PPP1R21: variants seen among roughly 807,000 people sequenced by gnomAD.
PPP1R21 encodes KLRAQ motif containing 1.
In PPP1R21, 85 loss-of-function variants were observed where a neutral mutation model predicts 112.8. The ratio of observed to expected loss-of-function variants is 0.75; its 90% CI spans 0.63 to 0.90. PPP1R21 has a LOEUF of 0.90. Among genes scored for constraint, PPP1R21 ranks in the 40% least tolerant of loss-of-function variants. The probability of loss-of-function intolerance (pLI) is 0.00; values close to 1 mark genes in which losing one functional copy is unlikely to be tolerated. For missense variants in PPP1R21, 1,199 were observed against 901.5 expected (o/e 1.33, Z -4.23); for synonymous variants, 381 against 322.3 (o/e 1.18, Z -1.95).
At chr2:48,483,577 A>G (rs908842063) in intron 13 of PPP1R21, among the ~76,000 whole-genome samples, 3 of 152,204 alleles carry the variant, frequency 2.0e-5, no homozygotes, top group Non-Finnish European at 2.9e-5. Flanking sequence ...GCATCACGTT[A>G]ACTGACTTGT....
At chr2:48,467,524 G>A (rs1019347302) in intron 9 of PPP1R21, among the ~76,000 whole-genome samples, 2 of 152,214 alleles carry the variant, frequency 1.3e-5, no homozygotes, top group African/African-American at 4.8e-5. Context: ...GGAGCTGGGG[G>A]ATTTGCATCC....
chr2:48,471,834 C>T (rs898775638), intron 11 of PPP1R21, among the ~76,000 whole-genome samples: 4 of 152,076 alleles, frequency 2.6e-5, no homozygotes, highest in Non-Finnish European at 5.9e-5. Flanking sequence ...AAAAATAATA[C>T]GTATTATTAG....
At chr2:48,497,651 ATTT>A (rs1208738625) in intron 16 of PPP1R21, among the ~76,000 whole-genome samples, 8 of 134,156 alleles carry the variant, frequency 6.0e-5, no homozygotes, top group Admixed American at 7.5e-5. Flanking sequence ...CTATAGTTCT[ATTT>A]TTTTTTTTTT....
chr2:48,502,243 C>G (rs1162552649), intron 17 of PPP1R21, among the ~76,000 whole-genome samples: 1 of 152,130 alleles, frequency 6.6e-6, no homozygotes, highest in Non-Finnish European at 1.5e-5. Context: ...TTTAAATCAA[C>G]TAGTTAGTGT....
chr2:48,453,212 C>G (rs1405491207), intron 2 of PPP1R21, among the ~76,000 whole-genome samples: 2 of 152,152 alleles, frequency 1.3e-5, no homozygotes, highest in Non-Finnish European at 2.9e-5. Flanking sequence ...CTTTAGCCTC[C>G]CAAAGTGCTG....
intron 19 of PPP1R21, among the ~76,000 whole-genome samples, chr2:48,507,768 TTTTTTTTTTTTTTTTG>T: frequency 8.4e-6 from 1 of 119,590 alleles, no homozygotes; most frequent in South Asian, 2.8e-4. Flanking sequence ...TTTTTTTTTT[TTTTTTTTTTTTTTTTG>T]AGGTGGAGTC....
At chr2:48,441,073 C>T (rs765749515) in intron 1 of PPP1R21, 63 bp downstream of exon 1, 14 of 1,229,188 alleles carry the variant, frequency 1.1e-5, no homozygotes, top group Non-Finnish European at 1.6e-5. Context: ...GCCGTGGCAG[C>T]GACTTGTCGG....
At chr2:48,508,338 A>G (rs977701548) in intron 19 of PPP1R21, among the ~76,000 whole-genome samples, 2 of 152,188 alleles carry the variant, frequency 1.3e-5, no homozygotes, top group South Asian at 2.1e-4. Context: ...AAGGAAAGAT[A>G]AACCCTTTAT....
chr2:48,491,082 C>G lies in PPP1R21; in HGVS notation c.1511C>G (p.Ala504Gly). The part of the protein sequence containing the change: ...FIASLSYGPK[A>G]ASGFISPLSA... Reference sequence around the variant, plus strand: ...GCTTCACTGAGCTATGGACCTAAGGCAGCGAGTGGATTCATTAGTCCTCTT... The same window carrying G: ...GCTTCACTGAGCTATGGACCTAAGGGAGCGAGTGGATTCATTAGTCCTCTT... Residue 504 changes from alanine (A) to glycine (G), a missense_variant, in exon 15 of 22, where the codon GCA becomes GGA. Ala to Gly is a moderately conservative substitution (Grantham distance 60). Transcript: ENST00000294952. 1 of 1,614,050 alleles carries G rather than the reference C, an allele frequency of 6.2e-7. No individual in the cohort carries two copies. Among genetic ancestry groups the G allele is most frequent in the Non-Finnish European group, 8.5e-7 (1 of 1,179,900 alleles).
chr2:48,503,359 A>G (rs1265973706), intron 17 of PPP1R21, among the ~76,000 whole-genome samples: 1 of 152,202 alleles, frequency 6.6e-6, no homozygotes, highest in African/African-American at 2.4e-5. Context: ...CTCAGTAGAA[A>G]CTTACTGATT....
At chr2:48,458,038 G>T in intron 3 of PPP1R21, 88 bp from the exon 4 acceptor site, 1 of 852,352 alleles carries the variant, frequency 1.2e-6, no homozygotes, top group Non-Finnish European at 2.0e-6. Context: ...GAAGAGACAA[G>T]CTTCTAAGAT....
intron 21 of PPP1R21, among the ~76,000 whole-genome samples, chr2:48,514,073 CTTT>C (rs1225415838): frequency 2.2e-5 from 2 of 89,900 alleles, no homozygotes; most frequent in Non-Finnish European, 4.3e-5. Context: ...GAGACATGTT[CTTT>C]TTTTTTTTTT....
At chr2:48,505,491 T>C in intron 17 of PPP1R21, 73 bp from the exon 18 acceptor site, 1 of 1,132,404 alleles carries the variant, frequency 8.8e-7, no homozygotes, top group Non-Finnish European at 1.3e-6. Flanking sequence ...GGAGAAAATA[T>C]TAAAAGCGTT....
At chr2:48,457,965 A>T in intron 3 of PPP1R21, 161 bp from the exon 4 acceptor site, 1 of 601,298 alleles carries the variant, frequency 1.7e-6, no homozygotes, top group Non-Finnish European at 3.2e-6. Flanking sequence ...TGTGTCACAT[A>T]GGAAAAGTTA....
chr2:48,481,064 C>G (rs1056904406), intron 13 of PPP1R21, among the ~76,000 whole-genome samples: 2 of 152,222 alleles, frequency 1.3e-5, no homozygotes, highest in African/African-American at 4.8e-5. Flanking sequence ...TCTCCGCTCA[C>G]TGCAGCCTTT....
At chr2:48,503,286 T>G (rs1670210103) in intron 17 of PPP1R21, among the ~76,000 whole-genome samples, 1 of 152,206 alleles carries the variant, frequency 6.6e-6, no homozygotes, top group Non-Finnish European at 1.5e-5. Context: ...GTTGACACTG[T>G]ACTACATAAA....
At chr2:48,507,465 T>C (rs1670435590) in intron 19 of PPP1R21, 80 bp downstream of exon 19, 5 of 1,539,714 alleles carry the variant, frequency 3.2e-6, no homozygotes, top group East Asian at 4.9e-5. Context: ...TTTCATGCTG[T>C]TCACTGTAAG....
intron 9 of PPP1R21, among the ~76,000 whole-genome samples, chr2:48,468,963 G>C (rs1668332223): frequency 6.6e-6 from 1 of 151,880 alleles, no homozygotes; most frequent in Non-Finnish European, 1.5e-5. Flanking sequence ...AGATTTAATT[G>C]GGCTTGTAGT....
chr2:48,507,251 T>C lies in PPP1R21; in HGVS notation c.1969-18T>C. 8 of 1,518,238 alleles carry C rather than the reference T, an allele frequency of 5.3e-6. No individual in the cohort carries two copies. Among genetic ancestry groups the C allele is most frequent in the Non-Finnish European group, 7.0e-6 (8 of 1,142,686 alleles). 94.0% of individuals were successfully genotyped at this position (1,518,238 alleles called of 1,614,324 possible). A position where few individuals can be genotyped will look rare whatever the true frequency, so the allele number is the denominator to read the frequency against. On this transcript the variant is annotated intron_variant, in intron 18 of 21. Transcript: ENST00000294952. ...TCACTGGTACTTGTTTATTTATGTGTATTTGTGTTCTATTTAGGTTCCAGA... is the reference window on the plus strand; with the variant it reads ...TCACTGGTACTTGTTTATTTATGTGCATTTGTGTTCTATTTAGGTTCCAGA...
Sources: allele counts gnomAD v4.1 joint callset (sites outside exome capture counted in the v4.1 genomes callset), GRCh38; gene constraint gnomAD v4.1.1; transcripts MANE v1.5; gene names NCBI Gene and HGNC (gene_info 2026-07-23, HGNC 2026-07-21).